PRPF3: variants seen among roughly 807,000 people sequenced by gnomAD.
The protein encoded by PRPF3 is U4/U6 small nuclear ribonucleoprotein Prp3.
In PRPF3, 3 loss-of-function variants were observed where a neutral mutation model predicts 89.2. The observed-to-expected ratio is 0.03, with a 90% confidence interval of 0.02 to 0.09. The LOEUF is 0.09. Ranked by LOEUF, PRPF3 falls within the 10% of genes least tolerant of loss-of-function variation. PRPF3 has a pLI of 1.00. For missense variants in PRPF3, 463 were observed against 828.8 expected (o/e 0.56, Z 5.42); for synonymous variants, 270 against 289.1 (o/e 0.93, Z 0.67).
chr1:150,342,819 C>T (rs1657904372), intron 9 of PRPF3, among the ~76,000 whole-genome samples: 1 of 152,102 alleles, frequency 6.6e-6, no homozygotes, highest in Non-Finnish European at 1.5e-5. Flanking sequence ...CCGCACCTGG[C>T]CTCAATATAT....
At chr1:150,330,062 T>C (rs1656167352) in intron 4 of PRPF3, 1 of 151,760 alleles carries the variant, frequency 6.6e-6, no homozygotes, top group African/African-American at 2.4e-5. Flanking sequence ...ACCTAGCCTG[T>C]TTTTGTTTTT....
intron 3 of PRPF3, among the ~76,000 whole-genome samples, chr1:150,326,106 T>G (rs1200791318): frequency 2.0e-5 from 3 of 152,218 alleles, no homozygotes; most frequent in Non-Finnish European, 4.4e-5. Context: ...AGCTTTGTCT[T>G]TTTTTAGATA....
chr1:150,328,202 C>T, intron 3 of PRPF3, 118 bp from the exon 4 acceptor site: 6 of 1,253,788 alleles, frequency 4.8e-6, no homozygotes, highest in Non-Finnish European at 6.9e-6. Flanking sequence ...TGGCTATTTG[C>T]AAGGTTGTGT....
At chr1:150,352,594 G>C (rs974215380) in intron 15 of PRPF3, among the ~76,000 whole-genome samples, 23 of 152,178 alleles carry the variant, frequency 1.5e-4, no homozygotes, top group Admixed American at 2.0e-4. Flanking sequence ...GAACCCGGGA[G>C]GCGGAGCTTG....
chr1:150,335,632 AT>A (rs1656888926), intron 7 of PRPF3, among the ~76,000 whole-genome samples: 1 of 151,228 alleles, frequency 6.6e-6, no homozygotes, highest in Admixed American at 6.6e-5. Context: ...CGCCTGGCTA[AT>A]TTTGTATTTT....
In PRPF3 at chr1:150,325,165, T is replaced by C. The variant is rs892432764; in HGVS notation, c.145+78T>C. On this transcript the variant is annotated intron_variant, in intron 2 of 15. Transcript: ENST00000324862. ...TGCTTTGAACTTCCTCAAAATTCTC[T>C]CTGTTGGGAACATCTAAAAAAATGG... The C allele has an allele frequency of 1.9e-5, 30 of 1,543,306 alleles. No individual in the cohort carries two copies. The Admixed American group carries it at 3.5e-4, about 18-fold the overall frequency.
chr1:150,338,564 G>C (rs1425156328), intron 8 of PRPF3, among the ~76,000 whole-genome samples: 3 of 144,842 alleles, frequency 2.1e-5, no homozygotes, highest in Non-Finnish European at 4.5e-5. Flanking sequence ...GCAGTGGCAC[G>C]ATCTCAGCTC....
chr1:150,352,140 T>C (rs1659001261), intron 15 of PRPF3, among the ~76,000 whole-genome samples: 1 of 152,178 alleles, frequency 6.6e-6, no homozygotes. Flanking sequence ...CCGCCCCCAG[T>C]TGTTCTTTGT....
intron 15 of PRPF3, 123 bp from the exon 16 acceptor site, chr1:150,352,710 T>TA: frequency 2.8e-6 from 3 of 1,085,320 alleles, no homozygotes; most frequent in Non-Finnish European, 4.0e-6. Context: ...AATTTTTTTT[T>TA]AACCATAAAA....
chr1:150,344,345 A>G, intron 11 of PRPF3, 84 bp downstream of exon 11: 1 of 1,613,928 alleles, frequency 6.2e-7, no homozygotes, highest in Non-Finnish European at 8.5e-7. Context: ...GAGGGAGGGG[A>G]GAGTTCTCCG....
chr1:150,348,061 A>G (rs1415560431), intron 14 of PRPF3, among the ~76,000 whole-genome samples: 1 of 152,084 alleles, frequency 6.6e-6, no homozygotes, highest in African/African-American at 2.4e-5. Flanking sequence ...CATTCTTCTC[A>G]TCTTTGAACA....
At position 150,325,852 on chromosome 1, in the gene PRPF3, A is replaced by G. The variant is rs199638866; in HGVS notation, c.247A>G (p.Ser83Gly). 128 of 1,613,542 alleles carry G rather than the reference A, an allele frequency of 7.9e-5. No individual in the cohort carries two copies. Among genetic ancestry groups the G allele is most frequent in the Non-Finnish European group, 1.1e-4 (124 of 1,179,696 alleles). Residue 83 changes from serine to glycine, a missense_variant, in exon 3 of 16, where the codon AGT (serine) becomes GGT (glycine). Coordinates refer to ENST00000324862, the MANE Select transcript of PRPF3 (RefSeq NM_004698.4). ...GRSSRHSKSS[S>G]DRSRKRELKE... ...AAGCTCTAGGCATTCCAAGTCTAGC[A>G]GTGACAGGAGCAGAAAACGAGAGCT...
chr1:150,334,839 G>C, intron 6 of PRPF3, 96 bp from the exon 7 acceptor site: 1 of 1,449,070 alleles, frequency 6.9e-7, no homozygotes, highest in Non-Finnish European at 9.5e-7. Flanking sequence ...AAAATGCTGT[G>C]GTTCCAGGCT....
intron 14 of PRPF3, among the ~76,000 whole-genome samples, chr1:150,347,545 C>T (rs868912563): frequency 6.6e-5 from 10 of 151,998 alleles, no homozygotes; most frequent in East Asian, 1.9e-4. Flanking sequence ...GCCTGGCCAA[C>T]ATGGTGAAAC....
chr1:150,334,252 G>A (rs587710009), intron 6 of PRPF3, among the ~76,000 whole-genome samples: 1 of 152,280 alleles, frequency 6.6e-6, no homozygotes, highest in East Asian at 1.9e-4. Flanking sequence ...GTTGCAATGA[G>A]CTGTGATTGT....
At position 150,352,775 on chromosome 1, in the gene PRPF3, A is replaced by T. The variant is rs1004505023; in HGVS notation, c.1906-58A>T. The T allele has an allele frequency of 5.3e-5, 82 of 1,555,842 alleles. 1 individual carries two copies. In the Middle Eastern group the frequency reaches 8.1e-4, roughly 15 times the overall value. On this transcript the variant is annotated intron_variant, in intron 15 of 15. Transcript: ENST00000324862. ...ATGTTACTAGGTCTTCTTATAAAAGAATATTATCTGATTTAAATAAGAAAT... is the reference window on the plus strand; with the variant it reads ...ATGTTACTAGGTCTTCTTATAAAAGTATATTATCTGATTTAAATAAGAAAT...
chr1:150,332,918 T>C, intron 5 of PRPF3, 61 bp from the exon 6 acceptor site: 1 of 1,523,858 alleles, frequency 6.6e-7, no homozygotes, highest in Non-Finnish European at 9.1e-7. Flanking sequence ...TATCTGTGTG[T>C]ATGTATGTGT....
At chr1:150,349,866 C>T (rs1402192603) in intron 15 of PRPF3, among the ~76,000 whole-genome samples, 5 of 104,432 alleles carry the variant, frequency 4.8e-5, no homozygotes, top group Non-Finnish European at 3.6e-5. Flanking sequence ...AGGTATAGTA[C>T]ATGTATATCT....
At chr1:150,321,895 T>C (rs1355760577) in intron 1 of PRPF3, among the ~76,000 whole-genome samples, 3 of 151,840 alleles carry the variant, frequency 2.0e-5, no homozygotes, top group Non-Finnish European at 4.4e-5. Context: ...AGTGGGGGGC[T>C]GCAGAGGGAA....
Sources: gnomAD v4.1 joint callset for allele counts (sites outside exome capture counted in the v4.1 genomes callset) on GRCh38, gnomAD v4.1.1 for gene constraint, MANE v1.5 for transcripts, NCBI Gene and HGNC (gene_info 2026-07-23, HGNC 2026-07-21) for gene names.